TNFRSF8: variants seen among roughly 807,000 people sequenced by gnomAD.
TNFRSF8 encodes tumor necrosis factor receptor superfamily member 8.
A neutral mutation model predicts 70.8 loss-of-function variants in TNFRSF8; 26 were observed. The ratio of observed to expected loss-of-function variants is 0.37; its 90% confidence interval spans 0.27 to 0.51. The LOEUF is 0.51. Among genes scored for constraint, TNFRSF8 ranks in the 20% least tolerant of loss-of-function variants. TNFRSF8 has a pLI of 0.94. For missense variants in TNFRSF8, 720 were observed against 807.9 expected (o/e 0.89, Z 1.32); for synonymous variants, 356 against 339.2 (o/e 1.05, Z -0.54).
chr1:12,106,438 G>A (rs573295743), intron 4 of TNFRSF8, among the ~76,000 whole-genome samples: 1 of 152,090 alleles, frequency 6.6e-6, no homozygotes, highest in South Asian at 2.1e-4. Context: ...TGCAAATGTG[G>A]ATACATACCT....
At chr1:12,122,956 G>A (rs1246024244) in intron 8 of TNFRSF8, among the ~76,000 whole-genome samples, 2 of 151,974 alleles carry the variant, frequency 1.3e-5, no homozygotes, top group Admixed American at 1.3e-4. Flanking sequence ...AGCCTCCTGA[G>A]TAGCTAGGAT....
At chr1:12,106,857 A>G (rs1419800587) in intron 4 of TNFRSF8, among the ~76,000 whole-genome samples, 2 of 152,218 alleles carry the variant, frequency 1.3e-5, no homozygotes, top group African/African-American at 2.4e-5. Flanking sequence ...GTATAACTGA[A>G]GGCCTTGGGG....
intron 3 of TNFRSF8, among the ~76,000 whole-genome samples, chr1:12,103,954 G>C (rs1335235001): frequency 6.6e-6 from 1 of 152,150 alleles, no homozygotes; most frequent in East Asian, 1.9e-4. Flanking sequence ...ATGACCACGT[G>C]CCCACCATCA....
chr1:12,111,812 G>C (rs1375135609), intron 6 of TNFRSF8, 86 bp from the exon 7 acceptor site: 2 of 1,106,320 alleles, frequency 1.8e-6, no homozygotes, highest in Non-Finnish European at 2.8e-6. Context: ...TGGCCACGGT[G>C]AGGGATGGGG....
At chr1:12,075,300 G>A (rs190319812) in intron 1 of TNFRSF8, among the ~76,000 whole-genome samples, 1,928 of 150,574 alleles carry the variant, frequency 0.013, 38 homozygotes, top group African/African-American at 0.044. Flanking sequence ...TGCCCAGGCT[G>A]GTCTTGAACT....
intron 1 of TNFRSF8, among the ~76,000 whole-genome samples, chr1:12,078,409 T>C (rs10864547): frequency 0.52 from 78,240 of 151,542 alleles, 21,122 homozygotes; most frequent in African/African-American, 0.65. Flanking sequence ...ACTAAAAATA[T>C]AAAAATTAGC....
chr1:12,109,479 A>G lies in TNFRSF8; in HGVS notation c.422-87A>G. The G allele has an allele frequency of 2.7e-6, 3 of 1,125,704 alleles. No homozygotes were observed. The highest frequency in any genetic ancestry group is 1.4e-5 in the South Asian group (1 of 71,480). 69.7% of individuals were successfully genotyped at this position (1,125,704 alleles called of 1,614,324 possible). A position where few individuals can be genotyped will look rare whatever the true frequency, so the allele number is the denominator to read the frequency against. Reference sequence around the variant, plus strand: ...GTGTTTTCCAAGGGCCCCATCTCCGACTCTGGCCTGTGGTAGTGAAGGGTG... The same window carrying G: ...GTGTTTTCCAAGGGCCCCATCTCCGGCTCTGGCCTGTGGTAGTGAAGGGTG... On this transcript the variant is annotated intron_variant, in intron 4 of 14. Coordinates refer to ENST00000263932, the MANE Select transcript of TNFRSF8 (RefSeq NM_001243.5). The surrounding 1 kb of genome is among the most constrained non-coding windows in gnomAD (Gnocchi z 4.4).
At chr1:12,132,481 A>G (rs548975679) in intron 12 of TNFRSF8, among the ~76,000 whole-genome samples, 3 of 152,298 alleles carry the variant, frequency 2.0e-5, no homozygotes, top group African/African-American at 7.2e-5. Flanking sequence ...TGTCTTCCCC[A>G]TGATTAGACT....
intron 12 of TNFRSF8, among the ~76,000 whole-genome samples, chr1:12,127,150 C>T (rs980734677): frequency 1.3e-5 from 2 of 152,238 alleles, no homozygotes; most frequent in African/African-American, 4.8e-5. Context: ...CACCTTCTCT[C>T]TCCTGGGCAG....
In TNFRSF8 at chr1:12,143,433, T is replaced by C. The variant is rs1292552555; in HGVS notation, c.*902T>C. On this transcript the variant is annotated 3_prime_UTR_variant, in exon 15 of 15. Transcript: ENST00000263932. This position sits in a 1 kb window ranked among gnomAD's most constrained non-coding sequence, Gnocchi z 4.1. ...CCCTGCCTGGAGTCCTTGACCGCTCTCTGTGGGCCCCACCCACTCTGTCCT... is the reference window on the plus strand; with the variant it reads ...CCCTGCCTGGAGTCCTTGACCGCTCCCTGTGGGCCCCACCCACTCTGTCCT... The C allele has an allele frequency of 6.6e-6, 1 of 152,278 alleles. No individual in the cohort carries two copies. The highest frequency in any genetic ancestry group is 1.5e-5 in the Non-Finnish European group (1 of 68,116). The allele number at this position is 152,278 out of a possible 1,614,324, so 9.4% of individuals were successfully genotyped here.
intron 1 of TNFRSF8, among the ~76,000 whole-genome samples, chr1:12,066,356 T>TAAA (rs1640741456): frequency 2.1e-5 from 3 of 145,412 alleles, no homozygotes; most frequent in African/African-American, 7.8e-5. Flanking sequence ...AGTTTAAAAT[T>TAAA]TTTTTTTTTT....
At chr1:12,096,302 T>C (rs1045910159) in intron 2 of TNFRSF8, among the ~76,000 whole-genome samples, 1 of 152,184 alleles carries the variant, frequency 6.6e-6, no homozygotes. Flanking sequence ...ATTAGGGTCT[T>C]AGTGGCAGGA....
intron 1 of TNFRSF8, among the ~76,000 whole-genome samples, chr1:12,069,256 G>A (rs759007391): frequency 8.9e-4 from 115 of 129,432 alleles, no homozygotes; most frequent in Non-Finnish European, 1.5e-3. Context: ...TCAGCTCACT[G>A]CAACCTCCAT....
Position 12,110,071 on chromosome 1 carries a change from G to A in TNFRSF8, c.543G>A (p.Pro181=), listed in dbSNP as rs766705970. ...CCATCCCCCAGGCCAAGCCCACCCC[G>A]GTGTCCCCAGCAACCTCCAGTGCCA... The part of the protein sequence containing the change: ...SGTIPQAKPT[P]VSPATSSAST... Residue 181 remains proline, a synonymous_variant, in exon 6 of 15, where the codon CCG becomes CCA. Coordinates refer to ENST00000263932, the MANE Select transcript of TNFRSF8 (RefSeq NM_001243.5). This position sits in a 1 kb window ranked among gnomAD's most constrained non-coding sequence, Gnocchi z 4.0. The A allele has an allele frequency of 1.4e-5, 22 of 1,612,992 alleles. No individual in the cohort carries two copies. The highest frequency in any genetic ancestry group is 1.6e-4 in the Middle Eastern group (1 of 6,076).
chr1:12,074,633 A>G (rs72641055), intron 1 of TNFRSF8, among the ~76,000 whole-genome samples: 11,785 of 152,210 alleles, frequency 0.077, 624 homozygotes, highest in Middle Eastern at 0.12. Context: ...TCTATGGCCA[A>G]CGAAGTTTGA....
chr1:12,133,326 C>CTTT (rs35850962), intron 12 of TNFRSF8, among the ~76,000 whole-genome samples: 2 of 147,390 alleles, frequency 1.4e-5, no homozygotes, highest in Admixed American at 6.8e-5. Flanking sequence ...CTTTGTCACA[C>CTTT]TTTTTTTTTT....
At chr1:12,106,340 A>G (rs1641523989) in intron 4 of TNFRSF8, among the ~76,000 whole-genome samples, 1 of 151,616 alleles carries the variant, frequency 6.6e-6, no homozygotes, top group South Asian at 2.1e-4. Flanking sequence ...ACTTAGTCAA[A>G]TCCTACTCAG....
rs11569829 is a variant in TNFRSF8, at chr1:12,085,309, C to T, written c.151+758C>T. On this transcript the variant is annotated intron_variant, in intron 2 of 14. Coordinates refer to ENST00000263932, the MANE Select transcript of TNFRSF8 (RefSeq NM_001243.5). ...ATTTTTAGTAGAGACAGGGTTTCGCCATATTGGCCAGGCTGGTCTCAAACT... is the reference window on the plus strand; with the variant it reads ...ATTTTTAGTAGAGACAGGGTTTCGCTATATTGGCCAGGCTGGTCTCAAACT... 2.8e-4 allele frequency among the ~76,000 whole-genome samples: 42 copies of T among 152,222 alleles called. 2 individuals are homozygous for T. The South Asian group carries it at 8.3e-3, about 30-fold the overall frequency.
Position 12,114,133 on chromosome 1 carries a change from C to T in TNFRSF8, c.794-1444C>T, listed in dbSNP as rs11569889. Among the ~76,000 whole-genome samples, 870 of 152,258 alleles carry T rather than the reference C, an allele frequency of 5.7e-3. 8 individuals carry two copies. The highest frequency in any genetic ancestry group is 0.02 in the African/African-American group (836 of 41,552). ...GGCATGAGCTCTAGAACCCGAGTGCCGGGTTCAGATCCCGCCTCTCCCACT... is the reference window on the plus strand; with the variant it reads ...GGCATGAGCTCTAGAACCCGAGTGCTGGGTTCAGATCCCGCCTCTCCCACT... On this transcript the variant is annotated intron_variant, in intron 7 of 14. Transcript: ENST00000263932.
Sources: allele counts gnomAD v4.1 joint callset (sites outside exome capture counted in the v4.1 genomes callset), GRCh38; gene constraint gnomAD v4.1.1; non-coding constraint Gnocchi (gnomAD v3.1); transcripts MANE v1.5; gene names NCBI Gene and HGNC (gene_info 2026-07-23, HGNC 2026-07-21).